Variants in PRR33 observed in about 807,000 individuals in gnomAD.
PRR33 encodes proline-rich protein 33.
PRR33 carries 1 observed loss-of-function variant against 0.5 expected under a neutral mutation model. That is an observed-to-expected ratio of 2.18 (90% CI 0.77 to 10.34). The LOEUF is 10.34. PRR33 is among the 30% of genes most tolerant of loss of function. The pLI is 0.13. For synonymous variants in PRR33, 226 were observed against 110.0 expected (o/e 2.06, Z -6.60); for missense variants, 552 against 251.8 (o/e 2.19, Z -8.07).
chr11:1,912,288 C>CT, the PRR33 span, among the ~76,000 whole-genome samples: 32 of 151,226 alleles, frequency 2.1e-4, no homozygotes, highest in South Asian at 4.2e-4. Flanking sequence ...GGTTCCTTGT[C>CT]TTTTTTTTTG....
the PRR33 span, among the ~76,000 whole-genome samples, chr11:1,909,578 C>T: frequency 6.6e-6 from 1 of 152,112 alleles, no homozygotes; most frequent in Admixed American, 6.6e-5. Context: ...CACTGCACTC[C>T]AGCTCGGCGA....
upstream of PRR33, among the ~76,000 whole-genome samples, chr11:1,893,815 G>A (rs1344481991): frequency 1.3e-5 from 2 of 151,476 alleles, no homozygotes; most frequent in South Asian, 2.1e-4. Context: ...ATGAATGGAG[G>A]GATGGATGTG....
chr11:1,912,660 A>G, the PRR33 span, among the ~76,000 whole-genome samples: 1 of 152,208 alleles, frequency 6.6e-6, no homozygotes, highest in African/African-American at 2.4e-5. Context: ...GCTGGAGCGC[A>G]GTGGCGAGAT....
the PRR33 span, among the ~76,000 whole-genome samples, chr11:1,912,268 TTTAA>T: frequency 6.7e-6 from 1 of 150,260 alleles, no homozygotes; most frequent in Non-Finnish European, 1.5e-5. Context: ...TGGTAGGAGG[TTTAA>T]CTACTGGTTC....
chr11:1,900,968 A>G, the PRR33 span, among the ~76,000 whole-genome samples: 8 of 152,324 alleles, frequency 5.3e-5, no homozygotes, highest in East Asian at 1.3e-3. Flanking sequence ...AAGTTAGTTC[A>G]GCCTACTCCC....
exon 1 of PRR33, chr11:1,890,370 G>A (rs1848947092): frequency 4.2e-6 from 3 of 716,730 alleles, no homozygotes; most frequent in Non-Finnish European, 7.8e-6. Context: ...GTCATGGCTG[G>A]CCTCACTCAC....
chr11:1,889,960 C>G, exon 1 of PRR33: 1 of 631,516 alleles, frequency 1.6e-6, no homozygotes, highest in Non-Finnish European at 2.9e-6. Context: ...GCATCTCCAT[C>G]CTGGCTGTTG....
At chr11:1,896,111 T>G (rs936746348), upstream of PRR33, among the ~76,000 whole-genome samples, 4 of 152,254 alleles carry the variant, frequency 2.6e-5, no homozygotes, top group African/African-American at 9.6e-5. Flanking sequence ...TTGCTTACAC[T>G]GGTCTTATAT....
At chr11:1,889,413 C>G (rs903784464) in exon 1 of PRR33, 10 of 680,482 alleles carry the variant, frequency 1.5e-5, no homozygotes, top group Non-Finnish European at 2.5e-5. Flanking sequence ...GGCGGGGGCC[C>G]GGGGTGCGGT....
At chr11:1,889,422 G>A in exon 1 of PRR33, 1 of 673,602 alleles carries the variant, frequency 1.5e-6, no homozygotes, top group Non-Finnish European at 2.8e-6. Flanking sequence ...CCGGGGTGCG[G>A]TGAGGGCGGG....
upstream of PRR33, chr11:1,892,414 C>T (rs928869394): frequency 5.9e-5 from 9 of 152,232 alleles, no homozygotes; most frequent in African/African-American, 1.2e-4. Context: ...CAGTATAAGA[C>T]GCCAGGACAT....
exon 1 of PRR33, chr11:1,889,208 G>C: frequency 1.5e-6 from 1 of 677,316 alleles, no homozygotes; most frequent in Non-Finnish European, 2.7e-6. Context: ...TCAGCTCCAG[G>C]ATGGAGCGGA....
chr11:1,907,035 G>T, the PRR33 span, among the ~76,000 whole-genome samples: 1 of 152,258 alleles, frequency 6.6e-6, no homozygotes, highest in African/African-American at 2.4e-5. Context: ...AGAGGCCCCT[G>T]AGGCCAATTC....
the PRR33 span, among the ~76,000 whole-genome samples, chr11:1,915,685 CTG>C: frequency 8.9e-3 from 7 of 788 alleles, no homozygotes; most frequent in Admixed American, 0.028. Flanking sequence ...GGTGATGTTT[CTG>C]TGTGTGTGTG....
At chr11:1,898,940 G>A in the PRR33 span, among the ~76,000 whole-genome samples, 2 of 152,160 alleles carry the variant, frequency 1.3e-5, no homozygotes, top group East Asian at 3.9e-4. Flanking sequence ...GGCAAAGGTT[G>A]CTGTGAGCTG....
At chr11:1,903,028 G>A in the PRR33 span, 3 of 152,146 alleles carry the variant, frequency 2.0e-5, no homozygotes, top group Non-Finnish European at 4.4e-5. Context: ...ATTTTAGCCG[G>A]CTTCTTTACT....
chr11:1,907,559 C>T, the PRR33 span, among the ~76,000 whole-genome samples: 12 of 152,156 alleles, frequency 7.9e-5, no homozygotes, highest in East Asian at 2.3e-3. Flanking sequence ...TTACAGACTC[C>T]CGCCACCATG....
chr11:1,908,991 T>C, the PRR33 span, among the ~76,000 whole-genome samples: 6 of 152,264 alleles, frequency 3.9e-5, no homozygotes, highest in Non-Finnish European at 7.3e-5. Context: ...GCAAATGCCC[T>C]TCCCCCTATA....
chr11:1,889,034 C>T lies in PRR33; in HGVS notation c.*111G>A, dbSNP rs562520913. On this transcript the variant is annotated 3_prime_UTR_variant, in exon 1 of 1. Transcript: ENST00000640310. ...CCCAGGCTGCCCTGCACCCCATGCCCCTTGGGCCCTGGTGCATCTTCATGC... is the reference window on the plus strand; with the variant it reads ...CCCAGGCTGCCCTGCACCCCATGCCTCTTGGGCCCTGGTGCATCTTCATGC... 6.3e-4 allele frequency: 365 copies of T among 577,070 alleles called. 7 individuals are homozygous for T. The South Asian group carries it at 7.3e-3, about 12-fold the overall frequency. 35.7% of individuals were successfully genotyped at this position (577,070 alleles called of 1,614,324 possible).
Sources: allele counts gnomAD v4.1 joint callset (sites outside exome capture counted in the v4.1 genomes callset), GRCh38; gene constraint gnomAD v4.1.1; transcripts MANE v1.5; gene names NCBI Gene and HGNC (gene_info 2026-07-23, HGNC 2026-07-21).